The following PRKACB variants were observed in gnomAD, a reference collection of about 807,000 sequenced individuals.
PRKACB encodes protein kinase cAMP-activated catalytic subunit beta, also known as cAMP-dependent protein kinase catalytic subunit beta.
PRKACB carries 16 observed loss-of-function variants against 51.4 expected under a neutral mutation model. The ratio of observed to expected loss-of-function variants is 0.31; its 90% CI spans 0.21 to 0.47. PRKACB has a LOEUF of 0.47. Among genes scored for constraint, PRKACB ranks in the 20% least tolerant of loss-of-function variants. PRKACB has a pLI of 1.00. For synonymous variants in PRKACB, 147 were observed against 154.4 expected (o/e 0.95, Z 0.35); for missense variants, 309 against 464.5 (o/e 0.67, Z 3.08).
At chr1:84,101,769 T>A (rs1038009974) in intron 1 of PRKACB, among the ~76,000 whole-genome samples, 5 of 152,184 alleles carry the variant, frequency 3.3e-5, no homozygotes, top group Admixed American at 3.3e-4. Flanking sequence ...GAGGATACAG[T>A]ATAAAGCCAC....
At chr1:84,181,535 T>C in intron 2 of PRKACB, 1 of 498,858 alleles carries the variant, frequency 2.0e-6, no homozygotes, top group Non-Finnish European at 3.2e-6. Context: ...AAGAGTCTGA[T>C]TATTGTTCTG....
At chr1:84,123,201 G>A (rs1193728545) in intron 1 of PRKACB, among the ~76,000 whole-genome samples, 1 of 152,166 alleles carries the variant, frequency 6.6e-6, no homozygotes, top group African/African-American at 2.4e-5. Context: ...ACATAGTGAT[G>A]TATGAGATTG....
At chr1:84,106,009 CTATT>C (rs1649714972) in intron 1 of PRKACB, among the ~76,000 whole-genome samples, 1 of 142,844 alleles carries the variant, frequency 7.0e-6, no homozygotes, top group African/African-American at 2.5e-5. Context: ...ATAATAATAA[CTATT>C]TACATTACAG....
chr1:84,152,834 T>TCACTGG (rs1655005453), intron 1 of PRKACB, among the ~76,000 whole-genome samples: 1 of 152,232 alleles, frequency 6.6e-6, no homozygotes, highest in Non-Finnish European at 1.5e-5. Context: ...ATTAGTGTGT[T>TCACTGG]CACTGGAGCA....
chr1:84,181,616 C>T (rs1012375599), intron 2 of PRKACB: 18 of 1,229,330 alleles, frequency 1.5e-5, no homozygotes, highest in African/African-American at 1.3e-4. Context: ...TTAGATAATA[C>T]TGTGTTTTTA....
intron 1 of PRKACB, among the ~76,000 whole-genome samples, chr1:84,154,672 T>C (rs1655239800): frequency 6.6e-6 from 1 of 152,048 alleles, no homozygotes; most frequent in African/African-American, 2.4e-5. Context: ...AACAAAATAC[T>C]AGCAAATTAA....
At chr1:84,179,057 T>C in intron 1 of PRKACB, 120 bp from the exon 2 acceptor site, 2 of 1,185,820 alleles carry the variant, frequency 1.7e-6, no homozygotes, top group Non-Finnish European at 2.3e-6. Context: ...AAATATACAT[T>C]TTATCACAAT....
rs375121247 is a variant in PRKACB at position 84,172,263 on chromosome 1, G to A, written c.188-6914G>A. Among the ~76,000 whole-genome samples, 9 of 151,710 alleles carry A rather than the reference G, an allele frequency of 5.9e-5. No individual in the cohort carries two copies. In the South Asian group the frequency reaches 1.5e-3, roughly 24 times the overall value. On this transcript the variant is annotated intron_variant, in intron 1 of 9. Coordinates refer to ENST00000370685, the MANE Select transcript of PRKACB (RefSeq NM_182948.4). ...AACAAGACAAAATATTTGAATTCAG[G>A]CCTTTCTGGAAAATCCTTGACATAT...
chr1:84,165,705 T>C (rs765563367), intron 1 of PRKACB, among the ~76,000 whole-genome samples: 7 of 151,832 alleles, frequency 4.6e-5, no homozygotes, highest in African/African-American at 7.2e-5. Flanking sequence ...TACTACAGTA[T>C]GTACTGCAGT....
chr1:84,078,158 T>C lies in PRKACB; in HGVS notation c.-168T>C, dbSNP rs796442841. ...GGTGCTAAGGAGTTCGCTGGAGCCC[T>C]TTCCTCAGACCCGGCCCGGTCTTCG... On this transcript the variant is annotated 5_prime_UTR_variant, in exon 1 of 9. Coordinates refer to the PRKACB transcript ENST00000370688. The C allele has an allele frequency of 1.9e-4, 126 of 672,198 alleles. No individual in the cohort carries two copies. In the African/African-American group the frequency reaches 2.1e-3, roughly 11 times the overall value. The allele number at this position is 672,198 out of a possible 1,614,324, so 41.6% of individuals were successfully genotyped here. A position where few individuals can be genotyped will look rare whatever the true frequency, so the allele number is the denominator to read the frequency against.
At chr1:84,175,103 T>C in intron 1 of PRKACB, 1 of 1,372,570 alleles carries the variant, frequency 7.3e-7, no homozygotes, top group South Asian at 1.8e-5. Flanking sequence ...TTAAAATTTT[T>C]TATTTATTGT....
At chr1:84,154,330 C>G (rs1430839681) in intron 1 of PRKACB, among the ~76,000 whole-genome samples, 1 of 152,024 alleles carries the variant, frequency 6.6e-6, no homozygotes, top group Non-Finnish European at 1.5e-5. Flanking sequence ...TGTCTCTTCA[C>G]TCTGTCGACT....
At chr1:84,234,455 C>T (rs1572622109) in intron 9 of PRKACB, among the ~76,000 whole-genome samples, 1 of 152,370 alleles carries the variant, frequency 6.6e-6, no homozygotes, top group East Asian at 1.9e-4. Context: ...GTTCGAGCTT[C>T]CCAGCTGCTT....
intron 1 of PRKACB, among the ~76,000 whole-genome samples, chr1:84,171,405 A>T (rs1210792800): frequency 6.6e-5 from 10 of 151,614 alleles, no homozygotes; most frequent in African/African-American, 2.4e-4. Flanking sequence ...CTGTTTTAAA[A>T]ATTGAATCAC....
At chr1:84,233,425 G>T (rs1676086689) in intron 9 of PRKACB, among the ~76,000 whole-genome samples, 1 of 136,748 alleles carries the variant, frequency 7.3e-6, no homozygotes, top group African/African-American at 2.8e-5. Context: ...TATCTTTGTG[G>T]CGTTCTCTGT....
rs558530019 is a variant in PRKACB at position 84,213,495 on chromosome 1, A to G, written c.907-658A>G. On this transcript the variant is annotated intron_variant, in intron 8 of 9. Transcript: ENST00000370685. ...TCACTTATTTGGGGGTTTTCCATTTATTTTTAAGGCCAGAGGCCAGTCTAG... is the reference window on the plus strand; with the variant it reads ...TCACTTATTTGGGGGTTTTCCATTTGTTTTTAAGGCCAGAGGCCAGTCTAG... Among the ~76,000 whole-genome samples, 85 of 152,254 alleles carry G rather than the reference A, an allele frequency of 5.6e-4. 1 individual carries two copies. Among genetic ancestry groups the G allele is most frequent in the African/African-American group, 1.9e-3 (79 of 41,570 alleles).
intron 1 of PRKACB, among the ~76,000 whole-genome samples, chr1:84,177,260 A>G (rs866689656): frequency 6.6e-6 from 1 of 152,144 alleles, no homozygotes; most frequent in Non-Finnish European, 1.5e-5. Flanking sequence ...GCCACAGTGC[A>G]TGTTGCAATA....
intron 1 of PRKACB, among the ~76,000 whole-genome samples, chr1:84,088,872 A>G (rs917068150): frequency 4.6e-5 from 7 of 152,206 alleles, no homozygotes; most frequent in Non-Finnish European, 8.8e-5. Context: ...AAGGCATACA[A>G]TGATACATAG....
chr1:84,122,703 G>T (rs1009164021), intron 1 of PRKACB, among the ~76,000 whole-genome samples: 1 of 152,178 alleles, frequency 6.6e-6, no homozygotes, highest in Non-Finnish European at 1.5e-5. Flanking sequence ...AGGACGTTTT[G>T]GAATTATATG....
Sources: allele counts gnomAD v4.1 joint callset (sites outside exome capture counted in the v4.1 genomes callset), GRCh38; gene constraint gnomAD v4.1.1; transcripts MANE v1.5; gene names NCBI Gene and HGNC (gene_info 2026-07-23, HGNC 2026-07-21).